Variants in SYT11 observed in about 807,000 individuals in gnomAD.
SYT11 encodes synaptotagmin-11.
Under a neutral mutation model 30.4 loss-of-function variants are expected in SYT11, and 12 were observed. The ratio of observed to expected loss-of-function variants is 0.39; its 90% CI spans 0.25 to 0.64. The LOEUF is 0.64. SYT11 is among the 30% of genes least tolerant of loss of function. The pLI is 0.45. For missense variants in SYT11, 412 were observed against 552.0 expected (o/e 0.75, Z 2.54); for synonymous variants, 204 against 216.0 (o/e 0.94, Z 0.49).
intron 2 of SYT11, among the ~76,000 whole-genome samples, chr1:155,878,849 A>G (rs2102566147): frequency 6.6e-6 from 1 of 152,044 alleles, no homozygotes; most frequent in African/African-American, 2.4e-5. Flanking sequence ...CCTGGGTGAC[A>G]GAGCGAGAGA....
At chr1:155,879,037 A>C (rs758682943) in intron 2 of SYT11, among the ~76,000 whole-genome samples, 1 of 152,114 alleles carries the variant, frequency 6.6e-6, no homozygotes, top group Non-Finnish European at 1.5e-5. Context: ...ACTAAGTGGT[A>C]AGCTCCTTGG....
At chr1:155,870,766 G>A (rs997357976) in intron 2 of SYT11, among the ~76,000 whole-genome samples, 1 of 152,120 alleles carries the variant, frequency 6.6e-6, no homozygotes, top group Non-Finnish European at 1.5e-5. Context: ...AGCACACTTT[G>A]TGTGTGTGTA....
At chr1:155,876,322 T>C (rs984420617) in intron 2 of SYT11, among the ~76,000 whole-genome samples, 1 of 136,224 alleles carries the variant, frequency 7.3e-6, no homozygotes. Flanking sequence ...CTCGGCTCAA[T>C]GCAAGCTCCG....
intron 2 of SYT11, among the ~76,000 whole-genome samples, chr1:155,876,150 A>AT (rs2102563700): frequency 6.6e-6 from 1 of 152,198 alleles, no homozygotes; most frequent in South Asian, 2.1e-4. Context: ...GCTTTGAAGA[A>AT]TACAAGGAAT....
At chr1:155,879,870 A>C (rs1472698293) in intron 2 of SYT11, among the ~76,000 whole-genome samples, 12 of 152,206 alleles carry the variant, frequency 7.9e-5, no homozygotes. Context: ...TGAAGTACAG[A>C]GATGTTGAGT....
intron 2 of SYT11, 39 bp from the exon 3 acceptor site, chr1:155,880,461 C>T (rs898199391): frequency 6.2e-7 from 1 of 1,610,888 alleles, no homozygotes; most frequent in Non-Finnish European, 8.5e-7. Context: ...TGCCCTGCAC[C>T]CTCTGCCAGG....
chr1:155,871,370 A>G (rs909982099), intron 2 of SYT11, among the ~76,000 whole-genome samples: 1 of 152,092 alleles, frequency 6.6e-6, no homozygotes, highest in African/African-American at 2.4e-5. Context: ...CCTCTCCTTG[A>G]AGGAGGAGCC....
chr1:155,882,879 T>C lies in SYT11; in HGVS notation c.*1371T>C, dbSNP rs766068265. On this transcript the variant is annotated 3_prime_UTR_variant, in exon 4 of 4. Transcript: ENST00000368324. ...TTAGAGTCTTCTCAAATAGCTTAGA[T>C]GTTGTAATGAGGTTAGCTTTGCTTC... is the stretch of plus-strand genomic sequence containing the variant. 1 of 152,346 alleles carries C rather than the reference T, an allele frequency of 6.6e-6. No individual in the cohort carries two copies. The highest frequency in any genetic ancestry group is 1.5e-5 in the Non-Finnish European group (1 of 68,038). 9.4% of individuals were successfully genotyped at this position (152,346 alleles called of 1,614,324 possible).
At chr1:155,862,376 T>C (rs1225972205) in intron 1 of SYT11, among the ~76,000 whole-genome samples, 1 of 152,240 alleles carries the variant, frequency 6.6e-6, no homozygotes, top group African/African-American at 2.4e-5. Context: ...TCTTTGATGA[T>C]TCTAGCTCAT....
At chr1:155,861,457 A>C (rs1672589746) in intron 1 of SYT11, among the ~76,000 whole-genome samples, 1 of 152,248 alleles carries the variant, frequency 6.6e-6, no homozygotes, top group Non-Finnish European at 1.5e-5. Context: ...GAAAGGGAAA[A>C]TAAATTATAT....
At chr1:155,880,677 G>A (rs1369496931) in intron 3 of SYT11, 54 bp downstream of exon 3, 116 of 1,605,856 alleles carry the variant, frequency 7.2e-5, no homozygotes, top group Non-Finnish European at 8.8e-5. Context: ...CCGACTCCTT[G>A]CCTGTGGCCC....
At position 155,868,864 on chromosome 1, in the gene SYT11, G is replaced by A; in HGVS notation, c.861+73G>A. 1.4e-6 allele frequency: 2 copies of A among 1,438,708 alleles called. No homozygotes were observed. The highest frequency in any genetic ancestry group is 1.9e-6 in the Non-Finnish European group (2 of 1,059,006). 89.1% of individuals were successfully genotyped at this position (1,438,708 alleles called of 1,614,324 possible). On this transcript the variant is annotated intron_variant, in intron 2 of 3. Coordinates refer to ENST00000368324, the MANE Select transcript of SYT11 (RefSeq NM_152280.5). This position sits in a 1 kb window ranked among gnomAD's most constrained non-coding sequence, Gnocchi z 4.7. ...AATATCTCAGGGGATAAATGGAAGTGGGAGGGGAGTGGGTTGGGTGGCAAA... is the reference window on the plus strand; with the variant it reads ...AATATCTCAGGGGATAAATGGAAGTAGGAGGGGAGTGGGTTGGGTGGCAAA...
In SYT11 at chr1:155,881,391, G is replaced by A; in HGVS notation, c.1179G>A (p.Val393=). Residue 393 remains valine (V), a synonymous_variant, in exon 4 of 4, where the codon GTG becomes GTA. Transcript: ENST00000368324. The part of the protein sequence containing the change: ...DFDRTTKNEV[V]GRLILGAHSV... ...ATCGCACCACCAAGAATGAGGTGGT[G>A]GGGAGGCTGATCCTGGGGGCACACA... is the stretch of plus-strand genomic sequence containing the variant. 1 of 1,614,066 alleles carries A rather than the reference G, an allele frequency of 6.2e-7. No homozygotes were observed. Among genetic ancestry groups the A allele is most frequent in the Non-Finnish European group, 8.5e-7 (1 of 1,180,024 alleles).
intron 2 of SYT11, among the ~76,000 whole-genome samples, chr1:155,874,746 C>T (rs1356524261): frequency 2.0e-5 from 3 of 148,322 alleles, no homozygotes; most frequent in Non-Finnish European, 3.0e-5. Context: ...AAAAATTAGC[C>T]GGGCATGGTG....
rs181771489 is a variant in SYT11 at position 155,879,154 on chromosome 1, C to T, written c.862-1346C>T. Among the ~76,000 whole-genome samples the T allele has an allele frequency of 2.6e-3, 392 of 152,244 alleles. 2 individuals are homozygous for T. The highest frequency in any genetic ancestry group is 3.7e-3 in the Non-Finnish European group (252 of 68,024). The stretch of plus-strand genomic sequence containing the variant: ...TGGAGGGGCCAGGCACGGTGGCTCA[C>T]GCTTGTAATCCCAGCACTTTGGGAG... On this transcript the variant is annotated intron_variant, in intron 2 of 3. Coordinates refer to ENST00000368324, the MANE Select transcript of SYT11 (RefSeq NM_152280.5).
intron 2 of SYT11, among the ~76,000 whole-genome samples, chr1:155,876,436 T>C (rs978268565): frequency 4.6e-5 from 7 of 151,260 alleles, no homozygotes; most frequent in African/African-American, 7.3e-5. Context: ...TTAGTAGAGA[T>C]GGGGTTTCAC....
chr1:155,866,116 C>T (rs796476589), intron 1 of SYT11, among the ~76,000 whole-genome samples: 226 of 123,186 alleles, frequency 1.8e-3, no homozygotes, highest in East Asian at 2.1e-3. Context: ...TTTTTTTTTT[C>T]TTTTTTTTTT....
Position 155,880,491 on chromosome 1 carries a change from T to G in SYT11, c.862-9T>G, listed in dbSNP as rs1327631103. The G allele has an allele frequency of 6.2e-7, 1 of 1,613,462 alleles. No homozygotes were observed. The highest frequency in any genetic ancestry group is 1.3e-5 in the African/African-American group (1 of 74,910). On this transcript the variant is annotated splice_polypyrimidine_tract_variant and intron_variant, in intron 2 of 3. Transcript: ENST00000368324. The stretch of plus-strand genomic sequence containing the variant: ...GCCAGGATTCTCACCTGCCATTTTT[T>G]CCTCACAGAAGTGCATCAGCAGAGG...
chr1:155,881,111 C>G (rs937234204), intron 3 of SYT11, 87 bp from the exon 4 acceptor site: 126 of 1,402,624 alleles, frequency 9.0e-5, no homozygotes, highest in Non-Finnish European at 1.2e-4. Flanking sequence ...CAGAGCCCCC[C>G]CTTTCCCAAC....
Sources: gnomAD v4.1 joint callset for allele counts (sites outside exome capture counted in the v4.1 genomes callset) on GRCh38, gnomAD v4.1.1 for gene constraint, Gnocchi (gnomAD v3.1) non-coding constraint, MANE v1.5 for transcripts, NCBI Gene and HGNC (gene_info 2026-07-23, HGNC 2026-07-21) for gene names.